The following DDX43 variants were observed in gnomAD, a reference collection of about 807,000 sequenced individuals.
The protein encoded by DDX43 is DEAD-box helicase 43.
In DDX43, 50 loss-of-function variants were observed where a neutral mutation model predicts 84.9. That is an observed-to-expected ratio of 0.59 (90% CI 0.47 to 0.75). DDX43 has a LOEUF of 0.75. Among genes scored for constraint, DDX43 ranks in the 30% least tolerant of loss-of-function variants. The pLI, the probability that DDX43 is intolerant of heterozygous loss-of-function variation, is 0.00. For synonymous variants in DDX43, 291 were observed against 266.3 expected, an observed-to-expected ratio of 1.09 and a Z score of -0.90; for missense variants, 689 against 798.6, an observed-to-expected ratio of 0.86 and a Z score of 1.65.
intron 2 of DDX43, among the ~76,000 whole-genome samples, chr6:73,398,588 T>A (rs1375922012): frequency 6.6e-6 from 1 of 152,116 alleles, no homozygotes; most frequent in Non-Finnish European, 1.5e-5. Flanking sequence ...TGCATAAGAA[T>A]GAGATCACTG....
chr6:73,404,479 A>AG, intron 4 of DDX43, among the ~76,000 whole-genome samples: 1 of 152,340 alleles, frequency 6.6e-6, no homozygotes, highest in East Asian at 1.9e-4. Flanking sequence ...CCAGCCTCTC[A>AG]AAGTGCTGGG....
chr6:73,400,528 A>G (rs1268874729), intron 3 of DDX43, among the ~76,000 whole-genome samples, 165 bp downstream of exon 3: 3 of 152,226 alleles, frequency 2.0e-5, no homozygotes, highest in South Asian at 4.1e-4. Flanking sequence ...TTTTTCCTCA[A>G]ATTAAAATAC....
intron 10 of DDX43, among the ~76,000 whole-genome samples, chr6:73,411,488 C>T (rs1018975340): frequency 6.6e-6 from 1 of 151,648 alleles, no homozygotes; most frequent in African/African-American, 2.4e-5. Context: ...ACCACCACGC[C>T]TGACTTATTT....
At chr6:73,396,148 G>A (rs879457189) in intron 1 of DDX43, among the ~76,000 whole-genome samples, 4 of 151,926 alleles carry the variant, frequency 2.6e-5, no homozygotes, top group Admixed American at 6.6e-5. Context: ...TAGTAAAGAT[G>A]AGGTTTCACC....
At chr6:73,404,112 C>T (rs554451084) in intron 4 of DDX43, among the ~76,000 whole-genome samples, 8 of 150,690 alleles carry the variant, frequency 5.3e-5, no homozygotes, top group East Asian at 2.0e-4. Context: ...GAGCCGCCGC[C>T]GCCGGCCCCT....
chr6:73,402,608 C>G (rs1295940760), intron 4 of DDX43, among the ~76,000 whole-genome samples: 1 of 152,098 alleles, frequency 6.6e-6, no homozygotes, highest in Admixed American at 6.6e-5. Context: ...GAGGTAGGGT[C>G]TTGCTCTGTC....
At chr6:73,404,019 A>G (rs986017446) in intron 4 of DDX43, among the ~76,000 whole-genome samples, 10 of 151,960 alleles carry the variant, frequency 6.6e-5, no homozygotes, top group Non-Finnish European at 8.8e-5. Context: ...GGGTTTCACT[A>G]TGTTGGCCAG....
In DDX43 at chr6:73,412,666, TGTGC is replaced by T. The variant is rs1254049492; in HGVS notation, c.1368+376_1368+379del. ...GTGTGTGTGTGTGTGTGTGTGTGTG[TGTGC>T]GCGCGCGCGTGTGTGTGTGTGCGCG... On this transcript the variant is annotated intron_variant, in intron 11 of 16. Transcript: ENST00000370336. Among the ~76,000 whole-genome samples the T allele has an allele frequency of 1.1e-3, 94 of 84,350 alleles. 2 individuals are homozygous for T. The highest frequency in any genetic ancestry group is 4.3e-3 in the African/African-American group (88 of 20,306). 55.3% of individuals were successfully genotyped at this position (84,350 alleles called of 152,430 possible).
chr6:73,409,761 T>C (rs1769749941), intron 10 of DDX43, among the ~76,000 whole-genome samples: 2 of 152,248 alleles, frequency 1.3e-5, no homozygotes, highest in African/African-American at 4.8e-5. Context: ...CTGGGCAAAC[T>C]GGCTCACGCC....
intron 1 of DDX43, among the ~76,000 whole-genome samples, chr6:73,395,415 G>A (rs1416587696): frequency 6.6e-6 from 1 of 152,066 alleles, no homozygotes; most frequent in African/African-American, 2.4e-5. Context: ...GACCAGCTTG[G>A]CCAACATGGC....
At chr6:73,406,310 C>T in intron 6 of DDX43, 54 bp from the exon 7 acceptor site, 2 of 1,364,654 alleles carry the variant, frequency 1.5e-6, no homozygotes, top group South Asian at 1.2e-5. Flanking sequence ...GCGTGAGCCA[C>T]TGCGCCCAGC....
chr6:73,413,526 C>T (rs1769843949), intron 11 of DDX43, 132 bp from the exon 12 acceptor site: 7 of 790,232 alleles, frequency 8.9e-6, no homozygotes, highest in South Asian at 2.6e-5. Context: ...TTTTTTAGGA[C>T]GTCTGCCATT....
At chr6:73,407,639 C>G in intron 8 of DDX43, 24 bp downstream of exon 8, 1 of 1,401,504 alleles carries the variant, frequency 7.1e-7, no homozygotes, top group Non-Finnish European at 1.0e-6. Context: ...TTTCCCATTC[C>G]TTCACCAGTA....
At chr6:73,399,193 C>G (rs1037805162) in intron 2 of DDX43, among the ~76,000 whole-genome samples, 9 of 152,120 alleles carry the variant, frequency 5.9e-5, no homozygotes, top group Middle Eastern at 6.3e-3. Context: ...ATAATCCACC[C>G]GCCTCAGCCT....
intron 9 of DDX43, among the ~76,000 whole-genome samples, chr6:73,408,419 C>T (rs372801663): frequency 2.0e-5 from 3 of 151,724 alleles, no homozygotes; most frequent in African/African-American, 4.8e-5. Flanking sequence ...TCAACAAGAG[C>T]GAAACTCCAT....
chr6:73,415,584 G>T lies in DDX43; in HGVS notation c.1833G>T (p.Gln611His), dbSNP rs531145697. ...ELINILERAN[Q>H]SIPEELVSMA... ...TTAATATTCTGGAAAGAGCAAATCA[G>T]GTGAGACTATGCAATTCATTAGAAA... Residue 611 changes from glutamine (Q) to histidine (H), a missense_variant and splice_region_variant, in exon 15 of 17, where the codon CAG (glutamine) becomes CAT (histidine). Transcript: ENST00000370336. 3.1e-6 allele frequency: 5 copies of T among 1,603,180 alleles called. No homozygotes were observed. The highest frequency in any genetic ancestry group is 4.3e-6 in the Non-Finnish European group (5 of 1,171,110).
At chr6:73,395,651 T>C (rs1449117490) in intron 1 of DDX43, among the ~76,000 whole-genome samples, 1 of 151,876 alleles carries the variant, frequency 6.6e-6, no homozygotes, top group Non-Finnish European at 1.5e-5. Flanking sequence ...TAATCCACCT[T>C]TTGGTGTTTA....
intron 6 of DDX43, 36 bp downstream of exon 6, chr6:73,405,871 T>C: frequency 6.3e-7 from 1 of 1,591,796 alleles, no homozygotes; most frequent in Non-Finnish European, 8.6e-7. Flanking sequence ...TCACTCAATG[T>C]TTTTCTTCGA....
Position 73,394,977 on chromosome 6 carries a change from C to A in DDX43, c.72C>A (p.Ser24=). The change falls in exon 1 of 17, where the codon TCC becomes TCA. Residue 24 remains serine (S), a synonymous_variant. Coordinates refer to ENST00000370336, the MANE Select transcript of DDX43 (RefSeq NM_018665.3). ...VVASRRSSTV[S]RAPERRPAEE... is the part of the protein sequence containing the mutation. ...CTAGTCGGCGAAGCTCGACAGTGTC[C>A]CGAGCGCCAGAGAGGAGGCCGGCGG... is the stretch of plus-strand genomic sequence containing the variant. 6.2e-7 allele frequency: 1 copy of A among 1,614,222 alleles called. No individual in the cohort carries two copies. The highest frequency in any genetic ancestry group is 8.5e-7 in the Non-Finnish European group (1 of 1,180,030).
Sources: allele counts gnomAD v4.1 joint callset (sites outside exome capture counted in the v4.1 genomes callset), GRCh38; gene constraint gnomAD v4.1.1; transcripts MANE v1.5; gene names NCBI Gene and HGNC (gene_info 2026-07-23, HGNC 2026-07-21).